DLC1: variants seen among roughly 807,000 people sequenced by gnomAD.
The protein encoded by DLC1 is rho GTPase-activating protein 7.
DLC1 carries 54 observed loss-of-function variants against 140.3 expected under a neutral mutation model. That is an observed-to-expected ratio of 0.38 (90% CI 0.31 to 0.48). The LOEUF (loss-of-function observed/expected upper bound fraction) is 0.48, where lower values mean the gene tolerates loss of function less well. DLC1 is among the 20% of genes least tolerant of loss of function. The pLI is 0.96. For missense variants in DLC1, 2,536 were observed against 1,907.0 expected (o/e 1.33, Z -6.14); for synonymous variants, 986 against 728.1 (o/e 1.35, Z -5.70).
At chr8:13,539,902 C>G (rs1287801382) in intron 1 of DLC1, among the ~76,000 whole-genome samples, 4 of 152,098 alleles carry the variant, frequency 2.6e-5, no homozygotes, top group Non-Finnish European at 4.4e-5. Flanking sequence ...TTTTACTTTT[C>G]TTGAGCAATT....
intron 1 of DLC1, among the ~76,000 whole-genome samples, chr8:13,514,384 A>G (rs1204130472): frequency 6.6e-6 from 1 of 152,222 alleles, no homozygotes; most frequent in Non-Finnish European, 1.5e-5. Flanking sequence ...GGAGGAAAAG[A>G]GTTAAATCTA....
At chr8:13,544,424 G>C (rs1348047452) in intron 1 of DLC1, among the ~76,000 whole-genome samples, 1 of 152,078 alleles carries the variant, frequency 6.6e-6, no homozygotes, top group Non-Finnish European at 1.5e-5. Flanking sequence ...TTGGTTATGA[G>C]GTTAATCTGT....
chr8:13,199,967 G>A (rs1827287799), intron 5 of DLC1, among the ~76,000 whole-genome samples: 1 of 152,102 alleles, frequency 6.6e-6, no homozygotes, highest in South Asian at 2.1e-4. Flanking sequence ...AGTATTTATA[G>A]TATGCTAGGC....
At chr8:13,418,189 C>A (rs1438997152) in intron 2 of DLC1, among the ~76,000 whole-genome samples, 2 of 152,074 alleles carry the variant, frequency 1.3e-5, no homozygotes, top group African/African-American at 2.4e-5. Context: ...ATGGTAGTTT[C>A]TTTTGCTGTG....
Position 13,187,262 on chromosome 8 carries a change from T to C in DLC1, c.1349-71605A>G, listed in dbSNP as rs970584892. Among the ~76,000 whole-genome samples, 6 of 152,248 alleles carry C rather than the reference T, an allele frequency of 3.9e-5. No individual in the cohort carries two copies. In the East Asian group the frequency reaches 5.8e-4, roughly 15 times the overall value. On this transcript the variant is annotated intron_variant, in intron 5 of 17. Transcript: ENST00000276297. ...CACCTGTAGAATGTAAGGTCTATGA[T>C]AGCAGACATTTGATCTGCTTTAGTC...
At chr8:13,413,622 T>A (rs1306348107) in intron 2 of DLC1, among the ~76,000 whole-genome samples, 2 of 151,394 alleles carry the variant, frequency 1.3e-5, no homozygotes, top group Non-Finnish European at 2.9e-5. Context: ...TGTTGGGAGG[T>A]AATTGGATCA....
At chr8:13,348,785 T>G (rs1834493932) in intron 4 of DLC1, among the ~76,000 whole-genome samples, 1 of 152,128 alleles carries the variant, frequency 6.6e-6, no homozygotes, top group East Asian at 1.9e-4. Context: ...ATGCAAACCA[T>G]ATCAATAGCA....
At chr8:13,276,570 C>T in intron 5 of DLC1, 5 of 1,266,496 alleles carry the variant, frequency 3.9e-6, no homozygotes, top group Non-Finnish European at 4.9e-6. Context: ...TGGCCCGCGG[C>T]CAAGCGCGCG....
chr8:13,225,467 GAAGGGCATT>G (rs1433256088), intron 5 of DLC1, among the ~76,000 whole-genome samples: 1 of 152,148 alleles, frequency 6.6e-6, no homozygotes, highest in Non-Finnish European at 1.5e-5. Flanking sequence ...CAGCTGGTTA[GAAGGGCATT>G]AAGAACTTTA....
chr8:13,139,193 G>T (rs1447518404), intron 5 of DLC1, among the ~76,000 whole-genome samples: 1 of 149,358 alleles, frequency 6.7e-6, no homozygotes, highest in African/African-American at 2.5e-5. Context: ...GGGAGGCTGA[G>T]GAAGGAGGAT....
chr8:13,403,110 C>T lies in DLC1; in HGVS notation c.1024-1491G>A, dbSNP rs376635708. On this transcript the variant is annotated intron_variant, in intron 2 of 17. Transcript: ENST00000276297. The stretch of plus-strand genomic sequence containing the variant: ...CAAAGACAGATTAATTTTGAGAATA[C>T]GTTAAGAATTTTTTGAGGTATGCTA... Among the ~76,000 whole-genome samples the T allele has an allele frequency of 2.6e-4, 40 of 152,254 alleles. No homozygotes were observed. The East Asian group carries it at 3.9e-3, about 15-fold the overall frequency.
At chr8:13,153,967 C>T (rs1056083367) in intron 5 of DLC1, among the ~76,000 whole-genome samples, 1 of 152,138 alleles carries the variant, frequency 6.6e-6, no homozygotes, top group African/African-American at 2.4e-5. Context: ...TTGAGCTAGA[C>T]ACAGGGTGGT....
chr8:13,561,930 G>T (rs970487210), intron 1 of DLC1, among the ~76,000 whole-genome samples: 1 of 152,060 alleles, frequency 6.6e-6, no homozygotes, highest in African/African-American at 2.4e-5. Context: ...AAAGCAAGAG[G>T]CTATCTTAAC....
At chr8:13,446,831 A>G (rs1159159687) in intron 2 of DLC1, among the ~76,000 whole-genome samples, 1 of 152,084 alleles carries the variant, frequency 6.6e-6, no homozygotes, top group African/African-American at 2.4e-5. Context: ...AAACCCAGCT[A>G]CTTGGGAGGC....
At chr8:13,536,211 A>T (rs923378264) in intron 1 of DLC1, 2 of 152,240 alleles carry the variant, frequency 1.3e-5, no homozygotes, top group Non-Finnish European at 2.9e-5. Flanking sequence ...GGCAAACTTC[A>T]TATACAACAC....
intron 4 of DLC1, among the ~76,000 whole-genome samples, chr8:13,331,557 A>C (rs1528627): frequency 0.31 from 46,918 of 151,944 alleles, 8,092 homozygotes; most frequent in East Asian, 0.4. Flanking sequence ...TAATTTTGTC[A>C]CATAGCTGAA....
upstream of DLC1, chr8:13,515,590 A>G (rs1306048756): frequency 6.6e-6 from 1 of 152,152 alleles, no homozygotes; most frequent in Non-Finnish European, 1.5e-5. Context: ...GCGTTCCTGA[A>G]TCACATCTCT....
intron 5 of DLC1, among the ~76,000 whole-genome samples, chr8:13,296,613 T>C (rs1032298788): frequency 6.6e-6 from 1 of 152,214 alleles, no homozygotes; most frequent in Non-Finnish European, 1.5e-5. Flanking sequence ...AGTTGTTTCA[T>C]CTACCAAATA....
intron 5 of DLC1, among the ~76,000 whole-genome samples, chr8:13,145,316 A>G (rs1322767846): frequency 6.6e-6 from 1 of 152,182 alleles, no homozygotes; most frequent in African/African-American, 2.4e-5. Context: ...AAAGAACATA[A>G]ATAAAATTAG....
Sources: allele counts gnomAD v4.1 joint callset (sites outside exome capture counted in the v4.1 genomes callset), GRCh38; gene constraint gnomAD v4.1.1; transcripts MANE v1.5; gene names NCBI Gene and HGNC (gene_info 2026-07-23, HGNC 2026-07-21).